Variants in TIMM44 observed in about 807,000 individuals in gnomAD.
TIMM44 encodes the protein mitochondrial import inner membrane translocase subunit TIM44.
Under a neutral mutation model 63.8 loss-of-function variants are expected in TIMM44, and 37 were observed. That is an observed-to-expected ratio of 0.58 (90% CI 0.45 to 0.76). The LOEUF (loss-of-function observed/expected upper bound fraction) is 0.76. TIMM44 is among the 30% of genes least tolerant of loss of function. The pLI, the probability that TIMM44 is intolerant of heterozygous loss-of-function variation, is 0.00. For missense variants in TIMM44, 573 were observed against 603.8 expected (o/e 0.95, Z 0.54); for synonymous variants, 239 against 245.1 (o/e 0.98, Z 0.23).
chr19:7,932,573 G>A, intron 9 of TIMM44, 54 bp downstream of exon 9: 7 of 1,597,764 alleles, frequency 4.4e-6, no homozygotes, highest in East Asian at 2.2e-5. Flanking sequence ...GGCGGGGGAG[G>A]TGGTGGAGCC....
In TIMM44 at chr19:7,938,069, C is replaced by A. The variant is rs1283921524; in HGVS notation, c.270G>T (p.Arg90Ser). Residue 90 changes from arginine (R) to serine (S), a missense_variant, in exon 3 of 13, where the codon AGG becomes AGT. Physicochemically the swap from Arg to Ser is moderately radical, Grantham distance 110. Transcript: ENST00000270538. ...SIKKFRDEAR[R>S]LEESDVLQEA... The stretch of plus-strand genomic sequence containing the variant: ...CCTGGAGCACGTCTGATTCTTCTAG[C>A]CTTCTGGCCTCGTCACGGAATTTTT... 1 of 1,614,116 alleles carries A rather than the reference C, an allele frequency of 6.2e-7. No individual in the cohort carries two copies. The highest frequency in any genetic ancestry group is 1.1e-5 in the South Asian group (1 of 91,084).
rs55730981 is a variant in TIMM44 at position 7,934,425 on chromosome 19, C to T, written c.394-187G>A. Among the ~76,000 whole-genome samples the T allele has an allele frequency of 1.6e-3, 226 of 140,668 alleles. No individual in the cohort carries two copies. Among genetic ancestry groups the T allele is most frequent in the African/African-American group, 5.6e-3 (220 of 39,174 alleles). 92.3% of individuals were successfully genotyped at this position (140,668 alleles called of 152,430 possible). A position where few individuals can be genotyped will look rare whatever the true frequency, so the allele number is the denominator to read the frequency against. On this transcript the variant is annotated intron_variant, in intron 4 of 12. Coordinates refer to ENST00000270538, the MANE Select transcript of TIMM44 (RefSeq NM_006351.4). This position sits in a 1 kb window ranked among gnomAD's most constrained non-coding sequence, Gnocchi z 5.3. The stretch of plus-strand genomic sequence containing the variant: ...GAGCACAACGGCACCCCCAGAGCCA[C>T]GAGCACACCGCCACCCCCAGAGCCA...
chr19:7,935,075 G>A lies in TIMM44; in HGVS notation c.383C>T (p.Thr128Ile), dbSNP rs1264801064. Residue 128 changes from threonine (T) to isoleucine (I), a missense_variant, in exon 4 of 13, where the codon ACC (threonine) becomes ATC (isoleucine). Transcript: ENST00000270538. Reference protein sequence around the residue: ...LRKKLGELTGTVKESLHEVSK... With the variant: ...LRKKLGELTGIVKESLHEVSK... ...GCGTGGAACTGTTACCTCCTTCACG[G>A]TGCCCGTCAGCTCCCCAAGCTTCTT... 2 of 1,613,348 alleles carry A rather than the reference G, an allele frequency of 1.2e-6. No individual in the cohort carries two copies. The highest frequency in any genetic ancestry group is 2.2e-5 in the South Asian group (2 of 90,894).
chr19:7,927,970 G>T, intron 11 of TIMM44, 107 bp downstream of exon 11: 1 of 1,232,878 alleles, frequency 8.1e-7, no homozygotes, highest in Non-Finnish European at 1.2e-6. Flanking sequence ...AGACCTCTTG[G>T]ATCAGCCCAT....
In TIMM44 at chr19:7,927,368, G is replaced by C. The variant is rs558346139; in HGVS notation, c.1240-62C>G. ...TTGAGGTGACCCAGGCAGCTCTGGGGGGGGGCCAGGCTCTGTGGGGCAGGA... is the reference window on the plus strand; with the variant it reads ...TTGAGGTGACCCAGGCAGCTCTGGGCGGGGGCCAGGCTCTGTGGGGCAGGA... On this transcript the variant is annotated intron_variant, in intron 12 of 12. Coordinates refer to ENST00000270538, the MANE Select transcript of TIMM44 (RefSeq NM_006351.4). 20 of 1,589,912 alleles carry C rather than the reference G, an allele frequency of 1.3e-5. No homozygotes were observed. The East Asian group carries it at 2.0e-4, about 16-fold the overall frequency.
At position 7,927,005 on chromosome 19, in the gene TIMM44, T is replaced by G. The variant is rs1983824964; in HGVS notation, c.*182A>C. ...GGCCCTGCGGGGGAGTGTCTCCAGC[T>G]GCCGCGCACCCGCAACAGCCCGTTG... On this transcript the variant is annotated 3_prime_UTR_variant, in exon 13 of 13. Transcript: ENST00000270538. The G allele has an allele frequency of 1.2e-6, 1 of 840,388 alleles. No homozygotes were observed. Among genetic ancestry groups the G allele is most frequent in the East Asian group, 2.8e-5 (1 of 35,836 alleles). The allele number at this position is 840,388 out of a possible 1,614,324, so 52.1% of individuals were successfully genotyped here. A position where few individuals can be genotyped will look rare whatever the true frequency, so the allele number is the denominator to read the frequency against.
intron 2 of TIMM44, among the ~76,000 whole-genome samples, 181 bp downstream of exon 2, chr19:7,940,921 T>G (rs547621479): frequency 1.3e-5 from 2 of 151,808 alleles, no homozygotes; most frequent in East Asian, 1.9e-4. Flanking sequence ...GGTCAAGTGT[T>G]TCTGGGACCG....
At chr19:7,928,260 C>T in intron 10 of TIMM44, 94 bp from the exon 11 acceptor site, 1 of 1,106,174 alleles carries the variant, frequency 9.0e-7, no homozygotes, top group Non-Finnish European at 1.3e-6. Context: ...CGCCCAGGTG[C>T]CCTGCCGCCA....
chr19:7,927,088 G>T lies in TIMM44; in HGVS notation c.*99C>A. ...CCTGGCAGAGCTGGGGGCAGAGCCC[G>T]CAGTCTTGTTCCCAGAGGTCTGGAG... On this transcript the variant is annotated 3_prime_UTR_variant, in exon 13 of 13. Transcript: ENST00000270538. 1 of 1,490,452 alleles carries T rather than the reference G, an allele frequency of 6.7e-7. No homozygotes were observed. Among genetic ancestry groups the T allele is most frequent in the Non-Finnish European group, 9.0e-7 (1 of 1,106,706 alleles). 92.3% of individuals were successfully genotyped at this position (1,490,452 alleles called of 1,614,324 possible).
chr19:7,943,255 C>A lies in TIMM44; in HGVS notation c.45+352G>T, dbSNP rs1443529211. On this transcript the variant is annotated intron_variant, in intron 1 of 12. Coordinates refer to ENST00000270538, the MANE Select transcript of TIMM44 (RefSeq NM_006351.4). The surrounding 1 kb of genome is among the most constrained non-coding windows in gnomAD (Gnocchi z 4.3). Reference sequence around the variant, plus strand: ...AGAGAACTTGGCATTTAACCGCGAGCTGTGAATTTCACGTTTTTTTGCCTT... The same window carrying A: ...AGAGAACTTGGCATTTAACCGCGAGATGTGAATTTCACGTTTTTTTGCCTT... Among the ~76,000 whole-genome samples, 5 of 152,120 alleles carry A rather than the reference C, an allele frequency of 3.3e-5. No individual in the cohort carries two copies. Among genetic ancestry groups the A allele is most frequent in the African/African-American group, 1.2e-4 (5 of 41,424 alleles).
At position 7,934,658 on chromosome 19, in the gene TIMM44, G is replaced by A. The variant is rs540678493; in HGVS notation, c.393+407C>T. 2.5e-3 allele frequency among the ~76,000 whole-genome samples: 383 copies of A among 152,286 alleles called. No homozygotes were observed. Among genetic ancestry groups the A allele is most frequent in the African/African-American group, 8.8e-3 (367 of 41,570 alleles). ...AAGGAGGGGACCCCGGGGAAAGAAC[G>A]GCGGTGAGGGCGCCCCATGCTGCGC... On this transcript the variant is annotated intron_variant, in intron 4 of 12. Coordinates refer to ENST00000270538, the MANE Select transcript of TIMM44 (RefSeq NM_006351.4). This position sits in a 1 kb window ranked among gnomAD's most constrained non-coding sequence, Gnocchi z 5.3.
Position 7,933,036 on chromosome 19 carries a change from G to T in TIMM44, c.770-104C>A. The T allele has an allele frequency of 1.1e-6, 1 of 922,460 alleles. No individual in the cohort carries two copies. The highest frequency in any genetic ancestry group is 1.7e-6 in the Non-Finnish European group (1 of 577,536). The allele number at this position is 922,460 out of a possible 1,614,324, so 57.1% of individuals were successfully genotyped here. A position where few individuals can be genotyped will look rare whatever the true frequency, so the allele number is the denominator to read the frequency against. On this transcript the variant is annotated intron_variant, in intron 7 of 12. Coordinates refer to ENST00000270538, the MANE Select transcript of TIMM44 (RefSeq NM_006351.4). The surrounding 1 kb of genome is among the most constrained non-coding windows in gnomAD (Gnocchi z 4.3). ...CTGTGACCCCTGCGGGATCCACCCTGACACGGGTGGGGTCAGGGAGGGGAC... is the reference window on the plus strand; with the variant it reads ...CTGTGACCCCTGCGGGATCCACCCTTACACGGGTGGGGTCAGGGAGGGGAC...
At chr19:7,931,021 G>A (rs4804240) in intron 10 of TIMM44, 117 bp downstream of exon 10, 217,289 of 880,132 alleles carry the variant, frequency 0.25, 29,476 homozygotes, top group Non-Finnish European at 0.29. Flanking sequence ...TTCCCCCACC[G>A]GGAGCCCAGG....
Position 7,933,583 on chromosome 19 carries a change from G to A in TIMM44, c.684-13C>T. The stretch of plus-strand genomic sequence containing the variant: ...CCCCAGGGCCTCCCTGGGGAAGAGG[G>A]TGGGCCCTGGGGTGAGCGGCGGCGC... On this transcript the variant is annotated splice_polypyrimidine_tract_variant and intron_variant, in intron 6 of 12. Coordinates refer to ENST00000270538, the MANE Select transcript of TIMM44 (RefSeq NM_006351.4). This position sits in a 1 kb window ranked among gnomAD's most constrained non-coding sequence, Gnocchi z 4.3. The A allele has an allele frequency of 6.2e-7, 1 of 1,613,092 alleles. No individual in the cohort carries two copies. The highest frequency in any genetic ancestry group is 1.1e-5 in the South Asian group (1 of 91,072).
chr19:7,933,913 C>G lies in TIMM44; in HGVS notation c.634G>C (p.Glu212Gln). 1 of 1,614,192 alleles carries G rather than the reference C, an allele frequency of 6.2e-7. No homozygotes were observed. Among genetic ancestry groups the G allele is most frequent in the Non-Finnish European group, 8.5e-7 (1 of 1,180,028 alleles). ...RRPQRLRKRT[E>Q]FAGDKFKEEK... ...TCCTTGAACTTATCTCCCGCAAACT[C>G]CGTTCTCTTCCGGAGTCGCTGGGGC... The change falls in exon 6 of 13, where the codon GAG (glutamate) becomes CAG (glutamine). Residue 212 changes from glutamate to glutamine, a missense_variant. Glu to Gln is a conservative substitution (Grantham distance 29). Transcript: ENST00000270538. This position sits in a 1 kb window ranked among gnomAD's most constrained non-coding sequence, Gnocchi z 4.3.
In TIMM44 at chr19:7,933,162, G is replaced by A. The variant is rs1984037085; in HGVS notation, c.770-230C>T. ...TCAGCTGCGGCCCTAATGGGGCTGT[G>A]TAAGTTATGGGCCGCCACCCCACTG... On this transcript the variant is annotated intron_variant, in intron 7 of 12. Coordinates refer to ENST00000270538, the MANE Select transcript of TIMM44 (RefSeq NM_006351.4). The surrounding 1 kb of genome is among the most constrained non-coding windows in gnomAD (Gnocchi z 4.3). Among the ~76,000 whole-genome samples the A allele has an allele frequency of 6.6e-6, 1 of 152,166 alleles. No homozygotes were observed. Among genetic ancestry groups the A allele is most frequent in the Non-Finnish European group, 1.5e-5 (1 of 68,022 alleles).
rs752329160 is a variant in TIMM44, at chr19:7,934,110, C to T, written c.522G>A (p.Ala174=). Residue 174 remains alanine, a synonymous_variant, in exon 5 of 13, where the codon GCG becomes GCA. Coordinates refer to ENST00000270538, the MANE Select transcript of TIMM44 (RefSeq NM_006351.4). This position sits in a 1 kb window ranked among gnomAD's most constrained non-coding sequence, Gnocchi z 5.3. ...TCACCTGGGAGAGGGCTCTGAAGGC[C>T]GCTGTCCTGCCCAGCTTCTCCCCGC... The part of the protein sequence containing the change: ...SKGGEKLGRT[A]AFRALSQGVE... The T allele has an allele frequency of 3.1e-6, 5 of 1,613,272 alleles. No individual in the cohort carries two copies. Among genetic ancestry groups the T allele is most frequent in the Non-Finnish European group, 4.2e-6 (5 of 1,179,980 alleles).
In TIMM44 at chr19:7,932,869, G is replaced by A. The variant is rs779154664; in HGVS notation, c.833C>T (p.Ala278Val). The change falls in exon 8 of 13, where the codon GCC becomes GTC. Residue 278 changes from alanine (A) to valine (V), a missense_variant. Physicochemically the swap from Ala to Val is moderately conservative, Grantham distance 64. Transcript: ENST00000270538. ...SDNAFIRASRALTDKVTDLLG... is the reference protein window; with the variant it reads ...SDNAFIRASRVLTDKVTDLLG... The stretch of plus-strand genomic sequence containing the variant: ...CAAGTCGGTGACCTTGTCCGTAAGG[G>A]CCCGGGATGCCCGGATGAACGCGTT... The A allele has an allele frequency of 1.7e-5, 27 of 1,614,096 alleles. No individual in the cohort carries two copies. The highest frequency in any genetic ancestry group is 2.3e-5 in the Non-Finnish European group (27 of 1,180,038).
chr19:7,932,857 T>C lies in TIMM44; in HGVS notation c.845A>G (p.Lys282Arg). The change falls in exon 8 of 13, where the codon AAG becomes AGG. Residue 282 changes from lysine to arginine, a missense_variant. By Grantham distance (26) the Lys-to-Arg change is conservative. Transcript: ENST00000270538. ...FIRASRALTD[K>R]VTDLLGGLFS... Reference sequence around the variant, plus strand: ...TCACTCACCCAGCAAGTCGGTGACCTTGTCCGTAAGGGCCCGGGATGCCCG... The same window carrying C: ...TCACTCACCCAGCAAGTCGGTGACCCTGTCCGTAAGGGCCCGGGATGCCCG... The C allele has an allele frequency of 1.9e-6, 3 of 1,614,184 alleles. No homozygotes were observed. Among genetic ancestry groups the C allele is most frequent in the Non-Finnish European group, 2.5e-6 (3 of 1,180,014 alleles).
Sources: allele counts gnomAD v4.1 joint callset (sites outside exome capture counted in the v4.1 genomes callset), GRCh38; gene constraint gnomAD v4.1.1; non-coding constraint Gnocchi (gnomAD v3.1); transcripts MANE v1.5; gene names NCBI Gene and HGNC (gene_info 2026-07-23, HGNC 2026-07-21).